ADAMTSL1: variants seen among roughly 807,000 people sequenced by gnomAD.
ADAMTSL1 encodes ADAMTS-like protein 1.
In ADAMTSL1, 126 loss-of-function variants were observed where a neutral mutation model predicts 201.8. The ratio of observed to expected loss-of-function variants is 0.62; its 90% CI spans 0.54 to 0.72. ADAMTSL1 has a LOEUF of 0.72. Ranked by LOEUF, ADAMTSL1 falls within the 30% of genes least tolerant of loss-of-function variation. The pLI is 0.00. For missense variants in ADAMTSL1, 2,679 were observed against 2,277.8 expected (o/e 1.18, Z -3.59); for synonymous variants, 1,121 against 903.4 (o/e 1.24, Z -4.32).
chr9:18,766,160 C>T (rs1450536030), intron 16 of ADAMTSL1, among the ~76,000 whole-genome samples: 1 of 152,190 alleles, frequency 6.6e-6, no homozygotes. Flanking sequence ...ATTCACCTAG[C>T]TAGAACCATG....
intron 2 of ADAMTSL1, among the ~76,000 whole-genome samples, chr9:18,385,726 T>A (rs952328274): frequency 2.6e-5 from 4 of 152,178 alleles, no homozygotes; most frequent in Non-Finnish European, 5.9e-5. Flanking sequence ...AAGCAAAAAA[T>A]TAATTCTTAA....
intron 26 of ADAMTSL1, among the ~76,000 whole-genome samples, chr9:18,903,650 G>A (rs1830130689): frequency 6.6e-6 from 1 of 152,180 alleles, no homozygotes; most frequent in Non-Finnish European, 1.5e-5. Context: ...TTCCTTCTAA[G>A]GGGGTAGAGA....
At chr9:18,807,943 A>G (rs1823269757) in intron 20 of ADAMTSL1, among the ~76,000 whole-genome samples, 1 of 152,178 alleles carries the variant, frequency 6.6e-6, no homozygotes, top group Non-Finnish European at 1.5e-5. Flanking sequence ...AAACATAGGT[A>G]CTGGCAATCA....
chr9:18,880,534 A>G (rs1242162651), intron 23 of ADAMTSL1, among the ~76,000 whole-genome samples: 2 of 152,232 alleles, frequency 1.3e-5, no homozygotes, highest in Non-Finnish European at 2.9e-5. Context: ...ATTTTGAAAG[A>G]AGGCTTTTTC....
intron 2 of ADAMTSL1, among the ~76,000 whole-genome samples, chr9:18,269,618 T>C (rs776262519): frequency 8.5e-5 from 13 of 152,236 alleles, no homozygotes; most frequent in Non-Finnish European, 1.6e-4. Context: ...TGGTCACTAA[T>C]TGGTTTTGCA....
At chr9:18,199,459 G>A (rs1227638736) in intron 2 of ADAMTSL1, among the ~76,000 whole-genome samples, 1 of 151,964 alleles carries the variant, frequency 6.6e-6, no homozygotes, top group Non-Finnish European at 1.5e-5. Context: ...TTATTCAGAA[G>A]TGTTAGCATT....
At chr9:18,841,916 A>G (rs1016543418) in intron 23 of ADAMTSL1, among the ~76,000 whole-genome samples, 2 of 151,122 alleles carry the variant, frequency 1.3e-5, no homozygotes, top group African/African-American at 2.4e-5. Flanking sequence ...CGTCTATTTG[A>G]TTCTTCTCTC....
At chr9:18,722,619 A>C (rs1833461149) in intron 15 of ADAMTSL1, among the ~76,000 whole-genome samples, 1 of 152,198 alleles carries the variant, frequency 6.6e-6, no homozygotes, top group African/African-American at 2.4e-5. Flanking sequence ...GGTACAGATC[A>C]TAGTCCTCCT....
chr9:18,168,090 T>C (rs1827715159), intron 2 of ADAMTSL1, among the ~76,000 whole-genome samples: 1 of 152,130 alleles, frequency 6.6e-6, no homozygotes, highest in Non-Finnish European at 1.5e-5. Context: ...CTTTATTGAT[T>C]AGTGACCATT....
At chr9:18,297,347 AC>A (rs1257877070) in intron 2 of ADAMTSL1, among the ~76,000 whole-genome samples, 1 of 151,012 alleles carries the variant, frequency 6.6e-6, no homozygotes. Flanking sequence ...TCACCAACTA[AC>A]TTTTTTCTTT....
chr9:18,117,123 C>G (rs1208012773), intron 1 of ADAMTSL1, among the ~76,000 whole-genome samples: 1 of 152,120 alleles, frequency 6.6e-6, no homozygotes, highest in African/African-American at 2.4e-5. Context: ...ATGCCACCAC[C>G]TATTTTGAAC....
intron 2 of ADAMTSL1, among the ~76,000 whole-genome samples, chr9:18,294,152 A>G (rs1266342663): frequency 1.3e-5 from 2 of 152,198 alleles, no homozygotes; most frequent in Non-Finnish European, 2.9e-5. Context: ...TTGCCAACCT[A>G]AAATTTCACG....
intron 1 of ADAMTSL1, among the ~76,000 whole-genome samples, chr9:18,134,263 A>G (rs1035290882): frequency 6.6e-5 from 10 of 152,160 alleles, no homozygotes; most frequent in South Asian, 4.1e-4. Flanking sequence ...AACTGACAGG[A>G]TGTCCGGTGT....
intron 1 of ADAMTSL1, among the ~76,000 whole-genome samples, chr9:18,059,066 A>G (rs908901793): frequency 6.6e-6 from 1 of 152,184 alleles, no homozygotes; most frequent in Non-Finnish European, 1.5e-5. Flanking sequence ...CTTTGGTCCT[A>G]TCCAGTATCT....
chr9:18,829,989 C>A lies in ADAMTSL1; in HGVS notation c.4249+12C>A, dbSNP rs759520986. On this transcript the variant is annotated intron_variant, in intron 23 of 28. Transcript: ENST00000380548. ...TTCTGCTCTCCTTGGTGAGTCTAACCCTCGGAAACATTGGGCAGAAAGCCA... is the reference window on the plus strand; with the variant it reads ...TTCTGCTCTCCTTGGTGAGTCTAACACTCGGAAACATTGGGCAGAAAGCCA... 6.3e-7 allele frequency: 1 copy of A among 1,599,338 alleles called. No individual in the cohort carries two copies. Among genetic ancestry groups the A allele is most frequent in the South Asian group, 1.1e-5 (1 of 88,622 alleles).
intron 14 of ADAMTSL1, among the ~76,000 whole-genome samples, chr9:18,709,461 A>G (rs1832425383): frequency 6.6e-6 from 1 of 152,194 alleles, no homozygotes; most frequent in South Asian, 2.1e-4. Flanking sequence ...TGTTTTTGTA[A>G]TCTCAAGAGA....
intron 2 of ADAMTSL1, among the ~76,000 whole-genome samples, chr9:18,246,067 GAC>G (rs1831249533): frequency 6.6e-6 from 1 of 152,064 alleles, no homozygotes; most frequent in Admixed American, 6.6e-5. Flanking sequence ...GTAAATTACA[GAC>G]ACAGATTAGA....
intron 1 of ADAMTSL1, among the ~76,000 whole-genome samples, chr9:17,975,501 G>T (rs1818409518): frequency 6.6e-6 from 1 of 151,922 alleles, no homozygotes; most frequent in Admixed American, 6.6e-5. Flanking sequence ...CATTCGTGAG[G>T]GCTGAGCCTA....
At chr9:18,790,014 G>A (rs576383868) in intron 19 of ADAMTSL1, among the ~76,000 whole-genome samples, 16 of 152,070 alleles carry the variant, frequency 1.1e-4, no homozygotes, top group Non-Finnish European at 1.9e-4. Flanking sequence ...GTAGTAGATG[G>A]GCATTTCTCT....
Sources: allele counts gnomAD v4.1 joint callset (sites outside exome capture counted in the v4.1 genomes callset), GRCh38; gene constraint gnomAD v4.1.1; transcripts MANE v1.5; gene names NCBI Gene and HGNC (gene_info 2026-07-23, HGNC 2026-07-21).